Variants in CSMD3 observed in about 807,000 individuals in gnomAD.
CSMD3 encodes the protein CUB and Sushi multiple domains 3.
A neutral mutation model predicts 435.2 loss-of-function variants in CSMD3; 177 were observed. That is an observed-to-expected ratio of 0.41 (90% CI 0.36 to 0.46). The LOEUF (loss-of-function observed/expected upper bound fraction) is 0.46. Ranked by LOEUF, CSMD3 falls within the 20% of genes least tolerant of loss-of-function variation. The pLI is 0.34. For missense variants in CSMD3, 4,265 were observed against 4,504.6 expected, an observed-to-expected ratio of 0.95 and a Z score of 1.52; for synonymous variants, 1,656 against 1,520.5, an observed-to-expected ratio of 1.09 and a Z score of -2.07.
chr8:113,223,034 T>C (rs1005467770), intron 3 of CSMD3, among the ~76,000 whole-genome samples: 1 of 150,894 alleles, frequency 6.6e-6, no homozygotes, highest in Non-Finnish European at 1.5e-5. Context: ...ATTTTGCTTA[T>C]TCCTAAAAAG....
intron 65 of CSMD3, among the ~76,000 whole-genome samples, chr8:112,242,614 TC>T (rs141426684): frequency 0.012 from 1,755 of 152,130 alleles, 16 homozygotes; most frequent in Non-Finnish European, 0.018. Context: ...TAGGAAAATA[TC>T]TAAGGAGATT....
At chr8:113,205,670 T>G (rs1279358379) in intron 3 of CSMD3, among the ~76,000 whole-genome samples, 1 of 152,144 alleles carries the variant, frequency 6.6e-6, no homozygotes, top group Non-Finnish European at 1.5e-5. Flanking sequence ...CAACCTTTTC[T>G]CTCTAGTGAC....
intron 13 of CSMD3, among the ~76,000 whole-genome samples, chr8:112,740,459 A>C (rs1460792818): frequency 6.6e-6 from 1 of 151,780 alleles, no homozygotes; most frequent in Non-Finnish European, 1.5e-5. Flanking sequence ...GAAACACTGA[A>C]GATTCTAAGG....
rs1375573071 is a variant in CSMD3 at position 113,098,908 on chromosome 8, A to G, written c.765T>C (p.Pro255=). ...TGTTATGGTACTCATTAGGAAAACT[A>G]GGGCTGGATATGATGCCACTGGATC... ...MRGSSGIISS[P]SFPNEYHNNA... is the part of the protein sequence containing the mutation. Residue 255 remains proline, a synonymous_variant, in exon 5 of 71, where the codon CCT becomes CCC. Coordinates refer to ENST00000297405, the MANE Select transcript of CSMD3 (RefSeq NM_198123.2). The G allele has an allele frequency of 6.2e-7, 1 of 1,612,696 alleles. No individual in the cohort carries two copies. The highest frequency in any genetic ancestry group is 8.5e-7 in the Non-Finnish European group (1 of 1,179,068).
intron 59 of CSMD3, among the ~76,000 whole-genome samples, chr8:112,272,789 T>C (rs1189881663): frequency 6.6e-6 from 1 of 152,212 alleles, no homozygotes; most frequent in African/African-American, 2.4e-5. Flanking sequence ...ATAAACACTA[T>C]CACTATGCTA....
chr8:112,556,448 T>C (rs986166182), intron 25 of CSMD3, among the ~76,000 whole-genome samples: 1 of 151,930 alleles, frequency 6.6e-6, no homozygotes, highest in Admixed American at 6.6e-5. Flanking sequence ...ATTCAATAAA[T>C]GTGTATAATT....
intron 32 of CSMD3, among the ~76,000 whole-genome samples, chr8:112,461,504 C>T (rs767328625): frequency 3.9e-5 from 6 of 152,012 alleles, no homozygotes; most frequent in African/African-American, 1.4e-4. Flanking sequence ...TATAGTGAAA[C>T]TTTGCAAGAA....
At chr8:112,328,703 T>C (rs1314281555) in intron 45 of CSMD3, among the ~76,000 whole-genome samples, 1 of 151,938 alleles carries the variant, frequency 6.6e-6, no homozygotes, top group Non-Finnish European at 1.5e-5. Flanking sequence ...ATGGGGGTGG[T>C]TTCCCCGATA....
intron 31 of CSMD3, 130 bp downstream of exon 31, chr8:112,492,359 C>A (rs542186604): frequency 8.1e-6 from 6 of 742,978 alleles, no homozygotes; most frequent in Non-Finnish European, 9.2e-6. Flanking sequence ...TTGATAAAAT[C>A]TCTGCATTGC....
chr8:113,020,376 G>T (rs1301418131), intron 5 of CSMD3, among the ~76,000 whole-genome samples: 2 of 151,918 alleles, frequency 1.3e-5, no homozygotes, highest in African/African-American at 2.4e-5. Flanking sequence ...TCCAGATATT[G>T]GTCATGATTA....
At chr8:113,214,892 G>A (rs184506195) in intron 3 of CSMD3, among the ~76,000 whole-genome samples, 30 of 151,896 alleles carry the variant, frequency 2.0e-4, no homozygotes, top group Admixed American at 1.8e-3. Flanking sequence ...TTAAGATTCT[G>A]AGTACCCATA....
chr8:112,795,570 C>T (rs569536632), intron 13 of CSMD3, among the ~76,000 whole-genome samples: 1 of 152,164 alleles, frequency 6.6e-6, no homozygotes, highest in South Asian at 2.1e-4. Context: ...TTTGAGGGGT[C>T]CAATCTTCTC....
At chr8:113,104,812 C>A (rs1476220877) in intron 4 of CSMD3, among the ~76,000 whole-genome samples, 3 of 151,940 alleles carry the variant, frequency 2.0e-5, no homozygotes, top group Non-Finnish European at 4.4e-5. Context: ...ATTCAATATT[C>A]ACTGAGATAA....
At chr8:112,676,168 G>A (rs2075765755) in intron 16 of CSMD3, among the ~76,000 whole-genome samples, 1 of 152,068 alleles carries the variant, frequency 6.6e-6, no homozygotes, top group Admixed American at 6.6e-5. Context: ...GTGCAGATGT[G>A]GAGTAGGAAG....
intron 3 of CSMD3, among the ~76,000 whole-genome samples, chr8:113,260,467 T>C (rs929098725): frequency 4.6e-5 from 7 of 152,144 alleles, no homozygotes; most frequent in African/African-American, 1.2e-4. Flanking sequence ...TTTGTGGAAA[T>C]TGAGGCTCTG....
chr8:113,281,014 A>G (rs1189347734), intron 2 of CSMD3, among the ~76,000 whole-genome samples: 1 of 151,860 alleles, frequency 6.6e-6, no homozygotes, highest in African/African-American at 2.4e-5. Context: ...CTGTGGTCTA[A>G]GACAGTGCTT....
rs200394125 is a variant in CSMD3, at chr8:113,364,258, T to TAA, written c.179-49467_179-49466dup. On this transcript the variant is annotated intron_variant, in intron 1 of 70. Transcript: ENST00000297405. ...AATTAGACTAAATTTTTTTTTTTTT[T>TAA]AAAAAGGATCTGATACAGAAAATGT... Among the ~76,000 whole-genome samples, 675 of 151,484 alleles carry TAA rather than the reference T, an allele frequency of 4.5e-3. 3 individuals are homozygous for TAA. Among genetic ancestry groups the TAA allele is most frequent in the Non-Finnish European group, 7.1e-3 (484 of 67,804 alleles).
chr8:113,230,786 T>G (rs1324511583), intron 3 of CSMD3, among the ~76,000 whole-genome samples: 3 of 151,490 alleles, frequency 2.0e-5, no homozygotes, highest in Non-Finnish European at 4.4e-5. Context: ...GGATATCAGA[T>G]TATCATATTT....
chr8:112,934,856 T>C (rs2083230068), intron 9 of CSMD3, among the ~76,000 whole-genome samples: 1 of 152,142 alleles, frequency 6.6e-6, no homozygotes. Context: ...TTTTCTTCCA[T>C]TCTGTAGGCT....
Sources: gnomAD v4.1 joint callset for allele counts (sites outside exome capture counted in the v4.1 genomes callset) on GRCh38, gnomAD v4.1.1 for gene constraint, MANE v1.5 for transcripts, NCBI Gene and HGNC (gene_info 2026-07-23, HGNC 2026-07-21) for gene names.